The following IL2RB variants were observed in gnomAD, a reference collection of about 807,000 sequenced individuals.
IL2RB encodes the protein interleukin 2 receptor subunit beta.
IL2RB carries 17 observed loss-of-function variants against 44.2 expected under a neutral mutation model. The ratio of observed to expected loss-of-function variants is 0.38; its 90% CI spans 0.26 to 0.58. The LOEUF (loss-of-function observed/expected upper bound fraction) is 0.58, where lower values mean the gene tolerates loss of function less well. Ranked by LOEUF, IL2RB falls within the 20% of genes least tolerant of loss-of-function variation. IL2RB has a pLI of 0.63. For missense variants in IL2RB, 624 were observed against 685.5 expected, an observed-to-expected ratio of 0.91 and a Z score of 1.00; for synonymous variants, 286 against 297.9, an observed-to-expected ratio of 0.96 and a Z score of 0.41.
At position 37,143,592 on chromosome 22, in the gene IL2RB, G is replaced by A. The variant is rs1455392595; in HGVS notation, c.132C>T (p.Ile44=). ...CCCCATCTTGGCTCCAGACACAGGA[G>A]ATGTTGGCTCTCGAGTTGTAGAAGC... The part of the protein sequence containing the change: ...FTCFYNSRAN[I]SCVWSQDGAL... Residue 44 remains isoleucine (I), a synonymous_variant, in exon 3 of 10, where the codon ATC becomes ATT. Coordinates refer to ENST00000216223, the MANE Select transcript of IL2RB (RefSeq NM_000878.5). 6.2e-7 allele frequency: 1 copy of A among 1,614,034 alleles called. No individual in the cohort carries two copies. The highest frequency in any genetic ancestry group is 8.5e-7 in the Non-Finnish European group (1 of 1,180,010).
chr22:37,163,115 C>G (rs1185705268), intron 1 of IL2RB, among the ~76,000 whole-genome samples: 3 of 152,172 alleles, frequency 2.0e-5, no homozygotes, highest in Non-Finnish European at 4.4e-5. Flanking sequence ...ACCGCAGGAA[C>G]AGGCTGTAGC....
chr22:37,168,166 G>T (rs1472606665), intron 1 of IL2RB, among the ~76,000 whole-genome samples: 2 of 152,332 alleles, frequency 1.3e-5, no homozygotes, highest in Middle Eastern at 3.4e-3. Flanking sequence ...GGTATCACGT[G>T]AGAAGAGTAA....
At chr22:37,166,397 G>A (rs1923080287) in intron 1 of IL2RB, among the ~76,000 whole-genome samples, 1 of 152,244 alleles carries the variant, frequency 6.6e-6, no homozygotes, top group South Asian at 2.1e-4. Context: ...GGCCAGAAGT[G>A]AAGCTAAGAT....
intron 1 of IL2RB, among the ~76,000 whole-genome samples, chr22:37,165,012 A>G (rs1316425408): frequency 6.6e-6 from 1 of 151,768 alleles, no homozygotes; most frequent in Non-Finnish European, 1.5e-5. Flanking sequence ...CCACGTCCCC[A>G]AGCAACTCGA....
Position 37,135,310 on chromosome 22 carries a change from G to A in IL2RB, c.818+18C>T. 1 of 1,575,836 alleles carries A rather than the reference G, an allele frequency of 6.3e-7. No individual in the cohort carries two copies. The highest frequency in any genetic ancestry group is 8.7e-7 in the Non-Finnish European group (1 of 1,145,394). On this transcript the variant is annotated intron_variant, in intron 8 of 9. Coordinates refer to ENST00000216223, the MANE Select transcript of IL2RB (RefSeq NM_000878.5). Reference sequence around the variant, plus strand: ...GGAGGGGTGGGAGCATGAAGGAAGGGGAGGAGAACCTTCTTACCATGGCCC... The same window carrying A: ...GGAGGGGTGGGAGCATGAAGGAAGGAGAGGAGAACCTTCTTACCATGGCCC...
At chr22:37,152,187 C>A (rs1922516344), upstream of IL2RB, among the ~76,000 whole-genome samples, 1 of 152,208 alleles carries the variant, frequency 6.6e-6, no homozygotes, top group Non-Finnish European at 1.5e-5. Context: ...AATATTGATT[C>A]TTCCAATCCA....
At chr22:37,144,953 C>T (rs920196483) in intron 1 of IL2RB, among the ~76,000 whole-genome samples, 2 of 151,846 alleles carry the variant, frequency 1.3e-5, no homozygotes, top group Non-Finnish European at 2.9e-5. Flanking sequence ...GTGCCTGGCA[C>T]ATAGTAGGCA....
chr22:37,126,857 G>A lies in IL2RB; in HGVS notation c.*1239C>T, dbSNP rs1256264994. The A allele has an allele frequency of 6.6e-6, 1 of 152,354 alleles. No homozygotes were observed. The highest frequency in any genetic ancestry group is 1.5e-5 in the Non-Finnish European group (1 of 68,142). 9.4% of individuals were successfully genotyped at this position (152,354 alleles called of 1,614,324 possible). A position where few individuals can be genotyped will look rare whatever the true frequency, so the allele number is the denominator to read the frequency against. On this transcript the variant is annotated 3_prime_UTR_variant, in exon 10 of 10. Coordinates refer to ENST00000216223, the MANE Select transcript of IL2RB (RefSeq NM_000878.5). Reference sequence around the variant, plus strand: ...CGGGACTCTGCCTCTCTGTGTGAATGTCAGGCGCAGGGAGCCCAGACGAGG... The same window carrying A: ...CGGGACTCTGCCTCTCTGTGTGAATATCAGGCGCAGGGAGCCCAGACGAGG...
At chr22:37,142,634 C>T (rs2146243625) in intron 3 of IL2RB, 122 bp from the exon 4 acceptor site, 1 of 898,918 alleles carries the variant, frequency 1.1e-6, no homozygotes, top group East Asian at 2.6e-5. Flanking sequence ...GGCTGGGGCC[C>T]CTGTGCCAAC....
chr22:37,135,282 G>T, intron 8 of IL2RB, 46 bp downstream of exon 8: 2 of 1,296,226 alleles, frequency 1.5e-6, no homozygotes, highest in Non-Finnish European at 1.1e-6. Context: ...GTGTGTGCAC[G>T]TTGGAGGGGT....
intron 1 of IL2RB, among the ~76,000 whole-genome samples, chr22:37,163,172 A>G (rs1042378821): frequency 1.1e-4 from 16 of 152,172 alleles, no homozygotes; most frequent in African/African-American, 4.8e-5. Context: ...AGTGGTTCTC[A>G]GGTTCTGGAG....
chr22:37,156,972 C>T (rs1922700588), intron 1 of IL2RB, among the ~76,000 whole-genome samples: 1 of 152,152 alleles, frequency 6.6e-6, no homozygotes, highest in African/African-American at 2.4e-5. Context: ...AGCCGAGTCC[C>T]CAGCTGGAAA....
intron 1 of IL2RB, among the ~76,000 whole-genome samples, chr22:37,158,189 TA>T (rs1922744686): frequency 6.6e-6 from 1 of 152,034 alleles, no homozygotes; most frequent in Admixed American, 6.5e-5. Context: ...TGCGCATCCA[TA>T]GGGGACAGGT....
intron 9 of IL2RB, among the ~76,000 whole-genome samples, chr22:37,131,802 T>C (rs1423226468): frequency 6.6e-6 from 1 of 151,870 alleles, no homozygotes; most frequent in Non-Finnish European, 1.5e-5. Flanking sequence ...AGTGGTGCCA[T>C]CTCAGCTCAC....
chr22:37,163,761 G>T (rs67843390), intron 1 of IL2RB, among the ~76,000 whole-genome samples: 4,704 of 152,304 alleles, frequency 0.031, 97 homozygotes, highest in South Asian at 0.069. Flanking sequence ...ACCCACATGG[G>T]CTTGAGCCTG....
intron 1 of IL2RB, among the ~76,000 whole-genome samples, chr22:37,170,089 A>AATGGATGG (rs541899667): frequency 3.8e-4 from 44 of 115,708 alleles, no homozygotes; most frequent in African/African-American, 1.9e-3. Context: ...AGGAAGGAAG[A>AATGGATGG]ATGGATGGAT....
rs781374953 is a variant in IL2RB, at chr22:37,137,733, G to A, written c.391C>T (p.Arg131Cys). 3.7e-6 allele frequency: 6 copies of A among 1,613,544 alleles called. No individual in the cohort carries two copies. Among genetic ancestry groups the A allele is most frequent in the African/African-American group, 1.3e-5 (1 of 74,872 alleles). The change falls in exon 6 of 10, where the codon CGC becomes TGC. Residue 131 changes from arginine to cysteine, a missense_variant and splice_region_variant. By Grantham distance (180) the Arg-to-Cys change is radical. Transcript: ENST00000216223. ...TGGAGGGAGATGGGGGCCATCAGGC[G>A]AACTGGAGACAACAGGGGGTAGGGG... ...IQDFKPFENL[R>C]LMAPISLQVV...
At chr22:37,152,865 C>A (rs748303367), upstream of IL2RB, among the ~76,000 whole-genome samples, 1 of 151,598 alleles carries the variant, frequency 6.6e-6, no homozygotes, top group African/African-American at 2.4e-5. Flanking sequence ...CCAGAAGCAG[C>A]AGCTCTGCTT....
chr22:37,159,043 C>T (rs1480558187), intron 1 of IL2RB, among the ~76,000 whole-genome samples: 1 of 152,220 alleles, frequency 6.6e-6, no homozygotes, highest in Non-Finnish European at 1.5e-5. Flanking sequence ...ACAACGGTTT[C>T]CGCTTTTCCT....
Sources: gnomAD v4.1 joint callset for allele counts (sites outside exome capture counted in the v4.1 genomes callset) on GRCh38, gnomAD v4.1.1 for gene constraint, MANE v1.5 for transcripts, NCBI Gene and HGNC (gene_info 2026-07-23, HGNC 2026-07-21) for gene names.